PPP4R2: variants seen among roughly 807,000 people sequenced by gnomAD.
The protein encoded by PPP4R2 is protein phosphatase 4 regulatory subunit 2, also known as serine/threonine-protein phosphatase 4 regulatory subunit 2.
A neutral mutation model predicts 47.2 loss-of-function variants in PPP4R2; 13 were observed. That is an observed-to-expected ratio of 0.28 (90% CI 0.18 to 0.44). PPP4R2 has a LOEUF of 0.44. PPP4R2 is among the 20% of genes least tolerant of loss of function. PPP4R2 has a pLI of 1.00. For missense variants in PPP4R2, 421 were observed against 491.2 expected, an observed-to-expected ratio of 0.86 and a Z score of 1.35; for synonymous variants, 151 against 163.3, an observed-to-expected ratio of 0.92 and a Z score of 0.57.
At chr3:73,003,357 A>C (rs1701522836) in intron 2 of PPP4R2, among the ~76,000 whole-genome samples, 1 of 151,418 alleles carries the variant, frequency 6.6e-6, no homozygotes, top group Admixed American at 6.6e-5. Flanking sequence ...GGTTACTGGC[A>C]CGTGCCACCA....
intron 2 of PPP4R2, among the ~76,000 whole-genome samples, chr3:73,020,083 C>T (rs796324419): frequency 5.3e-5 from 8 of 152,272 alleles, no homozygotes; most frequent in African/African-American, 1.9e-4. Flanking sequence ...ATACCATTGA[C>T]TTGGTGACTT....
At chr3:73,057,766 C>T (rs547124716) in intron 3 of PPP4R2, among the ~76,000 whole-genome samples, 7 of 152,132 alleles carry the variant, frequency 4.6e-5, no homozygotes, top group South Asian at 2.1e-4. Flanking sequence ...TTGTAAAATA[C>T]GTGTGGTACA....
At chr3:73,001,618 T>C (rs1701460421) in intron 2 of PPP4R2, among the ~76,000 whole-genome samples, 1 of 152,080 alleles carries the variant, frequency 6.6e-6, no homozygotes, top group Non-Finnish European at 1.5e-5. Flanking sequence ...TTTACCATCT[T>C]TACCATTTTA....
At chr3:73,014,724 C>T (rs1701788133) in intron 2 of PPP4R2, among the ~76,000 whole-genome samples, 1 of 152,048 alleles carries the variant, frequency 6.6e-6, no homozygotes, top group African/African-American at 2.4e-5. Flanking sequence ...CTATCTGATG[C>T]CTCATTGATA....
At chr3:73,054,026 C>G (rs980198149) in intron 3 of PPP4R2, among the ~76,000 whole-genome samples, 9 of 151,890 alleles carry the variant, frequency 5.9e-5, no homozygotes, top group Non-Finnish European at 1.2e-4. Flanking sequence ...AAACAATTCT[C>G]CTGCCTCAAG....
chr3:73,031,113 C>A (rs1479860038), intron 2 of PPP4R2, among the ~76,000 whole-genome samples: 1 of 152,114 alleles, frequency 6.6e-6, no homozygotes, highest in Non-Finnish European at 1.5e-5. Context: ...CTGGTGGAGT[C>A]AAAATTTTTG....
chr3:73,055,956 A>G (rs1002459007), intron 3 of PPP4R2, among the ~76,000 whole-genome samples: 14 of 152,148 alleles, frequency 9.2e-5, no homozygotes, highest in Middle Eastern at 6.8e-3. Flanking sequence ...TCTGATCACC[A>G]CTTCCCCCCA....
chr3:73,016,437 G>A (rs1308666408), intron 2 of PPP4R2, among the ~76,000 whole-genome samples: 2 of 152,258 alleles, frequency 1.3e-5, no homozygotes, highest in East Asian at 3.9e-4. Flanking sequence ...CCCCAGCAAT[G>A]AAGAATTGTC....
intron 3 of PPP4R2, 81 bp downstream of exon 3, chr3:73,047,437 T>C (rs1702507308): frequency 2.4e-6 from 2 of 848,226 alleles, no homozygotes; most frequent in African/African-American, 2.4e-5. Flanking sequence ...ATGTGTCTGG[T>C]TGATGATTGA....
intron 2 of PPP4R2, chr3:73,015,931 C>T: frequency 1.2e-5 from 3 of 255,130 alleles, no homozygotes; most frequent in South Asian, 9.4e-5. Context: ...AACTACTGCA[C>T]CCGCCCTGTT....
At chr3:73,046,179 GC>G (rs1159553464) in intron 2 of PPP4R2, among the ~76,000 whole-genome samples, 1 of 152,120 alleles carries the variant, frequency 6.6e-6, no homozygotes, top group African/African-American at 2.4e-5. Flanking sequence ...TATCCACCTT[GC>G]TTTTATACCA....
intron 2 of PPP4R2, among the ~76,000 whole-genome samples, chr3:73,040,901 A>C (rs17010401): frequency 0.057 from 8,622 of 152,266 alleles, 581 homozygotes; most frequent in East Asian, 0.3. Context: ...TGTTTGTCCC[A>C]TGCAAATACC....
intron 2 of PPP4R2, among the ~76,000 whole-genome samples, chr3:73,024,148 G>C (rs1702013582): frequency 6.6e-6 from 1 of 152,022 alleles, no homozygotes; most frequent in Admixed American, 6.6e-5. Context: ...AATAAATTCA[G>C]ATCTAATTTC....
chr3:73,018,441 A>ATGTTATGTTATGTTATGTTATGTT (rs1701888828), intron 2 of PPP4R2, among the ~76,000 whole-genome samples: 2 of 103,790 alleles, frequency 1.9e-5, no homozygotes, highest in African/African-American at 8.5e-5. Context: ...ATGTTATGTT[A>ATGTTATGTTATGTTATGTTATGTT]TGTTATGTTA....
At chr3:73,004,467 T>A (rs376555793) in intron 2 of PPP4R2, among the ~76,000 whole-genome samples, 4 of 152,198 alleles carry the variant, frequency 2.6e-5, no homozygotes, top group Non-Finnish European at 4.4e-5. Flanking sequence ...AAAATCTATT[T>A]ATTTTTGAGA....
At chr3:73,034,863 T>C (rs887097331) in intron 2 of PPP4R2, among the ~76,000 whole-genome samples, 3 of 149,840 alleles carry the variant, frequency 2.0e-5, no homozygotes, top group African/African-American at 7.6e-5. Flanking sequence ...AAAAAAACAT[T>C]TCCAACAGTT....
At chr3:73,062,835 T>C (rs759695216) in intron 5 of PPP4R2, 37 of 1,613,914 alleles carry the variant, frequency 2.3e-5, no homozygotes, top group Non-Finnish European at 3.1e-5. Context: ...GGTTGGAGAA[T>C]TAATGTTCAC....
chr3:73,014,107 T>TG lies in PPP4R2; in HGVS notation c.116+15951dup, dbSNP rs1487650139. On this transcript the variant is annotated intron_variant, in intron 2 of 8. Transcript: ENST00000356692. ...TCAAACAGTGCTTAAGTTAATATACTGGCACAGATGTAAGAGTGGGATTTA... is the reference window on the plus strand; with the variant it reads ...TCAAACAGTGCTTAAGTTAATATACTGGGCACAGATGTAAGAGTGGGATTTA... Among the ~76,000 whole-genome samples, 4 of 129,966 alleles carry TG rather than the reference T, an allele frequency of 3.1e-5. 1 individual carries two copies. The highest frequency in any genetic ancestry group is 1.1e-4 in the African/African-American group (4 of 37,326). The allele number at this position is 129,966 out of a possible 152,430, so 85.3% of individuals were successfully genotyped here.
intron 2 of PPP4R2, among the ~76,000 whole-genome samples, chr3:73,028,332 C>G (rs969837952): frequency 6.6e-6 from 1 of 151,758 alleles, no homozygotes; most frequent in Non-Finnish European, 1.5e-5. Context: ...GCCACCATGC[C>G]TGGCCCAGGT....
Sources: allele counts gnomAD v4.1 joint callset (sites outside exome capture counted in the v4.1 genomes callset), GRCh38; gene constraint gnomAD v4.1.1; transcripts MANE v1.5; gene names NCBI Gene and HGNC (gene_info 2026-07-23, HGNC 2026-07-21).